Variants in PPP2R5C observed in about 807,000 individuals in gnomAD.
PPP2R5C encodes serine/threonine-protein phosphatase 2A 56 kDa regulatory subunit gamma isoform.
In PPP2R5C, 7 loss-of-function variants were observed where a neutral mutation model predicts 68.9. That is an observed-to-expected ratio of 0.10 (90% confidence interval 0.06 to 0.19). The LOEUF (loss-of-function observed/expected upper bound fraction) is 0.19, where lower values mean the gene tolerates loss of function less well. Ranked by LOEUF, PPP2R5C falls within the 10% of genes least tolerant of loss-of-function variation. PPP2R5C has a pLI of 1.00. For synonymous variants in PPP2R5C, 210 were observed against 222.2 expected (o/e 0.95, Z 0.49); for missense variants, 348 against 641.3 (o/e 0.54, Z 4.94).
At chr14:101,837,785 AAG>A (rs1219947171) in intron 1 of PPP2R5C, among the ~76,000 whole-genome samples, 1 of 152,220 alleles carries the variant, frequency 6.6e-6, no homozygotes, top group Non-Finnish European at 1.5e-5. Context: ...GCACTATTCT[AAG>A]CATGTACATT....
chr14:101,845,463 T>TCCACC (rs61464748), intron 1 of PPP2R5C, among the ~76,000 whole-genome samples: 14,078 of 151,420 alleles, frequency 0.093, 659 homozygotes, highest in African/African-American at 0.15. Flanking sequence ...TCCACTCCAC[T>TCCACC]CCACCCCACC....
At chr14:101,924,221 A>G (rs2047161749) in intron 13 of PPP2R5C, among the ~76,000 whole-genome samples, 1 of 152,056 alleles carries the variant, frequency 6.6e-6, no homozygotes, top group Admixed American at 6.6e-5. Context: ...AAACTCTCCA[A>G]ATTAAGTTTC....
At chr14:101,820,434 A>G (rs2039982969) in intron 1 of PPP2R5C, 1 of 152,246 alleles carries the variant, frequency 6.6e-6, no homozygotes, top group Non-Finnish European at 1.5e-5. Flanking sequence ...GCTACAAACA[A>G]GCGTGGGTGA....
chr14:101,894,398 C>A, intron 7 of PPP2R5C, 109 bp from the exon 10 acceptor site: 1 of 947,152 alleles, frequency 1.1e-6, no homozygotes, highest in Non-Finnish European at 1.7e-6. Flanking sequence ...TTTGTCTGTA[C>A]CGTGGGTCCT....
Position 101,875,854 on chromosome 14 carries a change from C to T in PPP2R5C, c.295-6307C>T, listed in dbSNP as rs78827778. 8.8e-3 allele frequency among the ~76,000 whole-genome samples: 1,342 copies of T among 152,274 alleles called. 20 individuals carry two copies. The highest frequency in any genetic ancestry group is 0.031 in the African/African-American group (1,275 of 41,554). On this transcript the variant is annotated intron_variant, in intron 2 of 13. Coordinates refer to ENST00000334743, the Ensembl canonical transcript of PPP2R5C. ...TCTCATTCCACATCAAAGGTTCCTC[C>T]GTTTTTTCGGGCATTCTTCAGTGCC...
exon 14 of PPP2R5C, chr14:101,926,655 G>A (rs1176804332): frequency 6.6e-6 from 1 of 152,492 alleles, no homozygotes; most frequent in Non-Finnish European, 1.5e-5. Flanking sequence ...ATAACTTAAT[G>A]TTAAGTGTCT....
At chr14:101,883,660 C>T (rs2044299247) in intron 5 of PPP2R5C, 98 bp downstream of exon 7, 16 of 1,439,994 alleles carry the variant, frequency 1.1e-5, no homozygotes, top group Non-Finnish European at 1.4e-5. Flanking sequence ...CAGGACTCAG[C>T]ATGTGGAGGG....
At chr14:101,822,385 C>T (rs1285076193) in intron 1 of PPP2R5C, among the ~76,000 whole-genome samples, 1 of 152,146 alleles carries the variant, frequency 6.6e-6, no homozygotes, top group Non-Finnish European at 1.5e-5. Context: ...AAGAGAAATG[C>T]TCTGCCAGGA....
chr14:101,839,777 A>G (rs1271837793), intron 1 of PPP2R5C, among the ~76,000 whole-genome samples: 1 of 152,234 alleles, frequency 6.6e-6, no homozygotes, highest in East Asian at 1.9e-4. Flanking sequence ...AATTTCAAAC[A>G]GTTGACAATG....
intron 1 of PPP2R5C, among the ~76,000 whole-genome samples, chr14:101,831,538 A>G (rs1313411891): frequency 6.6e-6 from 1 of 152,222 alleles, no homozygotes; most frequent in East Asian, 1.9e-4. Flanking sequence ...GCAGATGCAT[A>G]AAGGAAGATG....
rs2037673276 is a variant in PPP2R5C at position 101,781,295 on chromosome 14, A to G, written c.94-4723A>G. On this transcript the variant is annotated intron_variant, in intron 2 of 14. Transcript: ENST00000328724. This position sits in a 1 kb window ranked among gnomAD's most constrained non-coding sequence, Gnocchi z 6.4. ...TCCCGGGACCCTGGCTTCTGTCCTC[A>G]GGGACCCCTTCAGACCTTCCCCACC... Among the ~76,000 whole-genome samples the G allele has an allele frequency of 6.6e-6, 1 of 152,146 alleles. No individual in the cohort carries two copies. Among genetic ancestry groups the G allele is most frequent in the Non-Finnish European group, 1.5e-5 (1 of 68,012 alleles).
At chr14:101,764,030 G>GTGTGTGTGTGTGT (rs1462659583) in intron 2 of PPP2R5C, among the ~76,000 whole-genome samples, 293 of 146,244 alleles carry the variant, frequency 2.0e-3, no homozygotes, top group African/African-American at 6.1e-3. Flanking sequence ...TGTGTGTGTG[G>GTGTGTGTGTGTGT]GCGCGCGCAC....
At chr14:101,786,053 C>T (rs958292047) in exon 3 of PPP2R5C, 2 of 1,541,364 alleles carry the variant, frequency 1.3e-6, no homozygotes, top group South Asian at 1.2e-5. Flanking sequence ...TTGTTGCTGT[C>T]CCGTCTACAG....
intron 1 of PPP2R5C, among the ~76,000 whole-genome samples, chr14:101,854,615 A>G (rs1019406451): frequency 3.9e-5 from 6 of 152,144 alleles, no homozygotes; most frequent in Admixed American, 3.9e-4. Context: ...GAGGAAGCAG[A>G]GGAGCTGCAG....
chr14:101,823,463 C>G (rs1222165778), intron 1 of PPP2R5C, among the ~76,000 whole-genome samples: 1 of 152,158 alleles, frequency 6.6e-6, no homozygotes. Context: ...CGGAGTAATT[C>G]GGTACCCTCT....
In PPP2R5C at chr14:101,917,639, C is replaced by A. The variant is rs148109042; in HGVS notation, c.1327-192C>A. ...GGGACCAGCTGCTTTACTGTCTCCA[C>A]TGAGTGCTTTCTGGTTTCAGAAGTC... On this transcript the variant is annotated intron_variant, in intron 12 of 13. Coordinates refer to ENST00000334743, the Ensembl canonical transcript of PPP2R5C. This position sits in a 1 kb window ranked among gnomAD's most constrained non-coding sequence, Gnocchi z 4.4. The A allele has an allele frequency of 1.3e-4, 84 of 634,342 alleles. 1 individual carries two copies. In the East Asian group the frequency reaches 2.4e-3, roughly 18 times the overall value. 39.3% of individuals were successfully genotyped at this position (634,342 alleles called of 1,614,324 possible).
chr14:101,910,972 C>T (rs574332623), intron 11 of PPP2R5C, among the ~76,000 whole-genome samples: 2 of 152,266 alleles, frequency 1.3e-5, no homozygotes, highest in South Asian at 4.1e-4. Context: ...GGCGTGGTGG[C>T]AGGCGCCTGT....
At chr14:101,821,447 GGGTGGGTGTGT>G (rs1566870064) in intron 1 of PPP2R5C, among the ~76,000 whole-genome samples, 2 of 102,900 alleles carry the variant, frequency 1.9e-5, no homozygotes, top group African/African-American at 7.3e-5. Flanking sequence ...GGGGGTGGGT[GGGTGGGTGTGT>G]GTGTGTGTGT....
intron 2 of PPP2R5C, among the ~76,000 whole-genome samples, chr14:101,780,866 A>G (rs74081649): frequency 6.6e-6 from 1 of 152,266 alleles, no homozygotes; most frequent in African/African-American, 2.4e-5. Flanking sequence ...GTAAGGGGGA[A>G]GTTGGGGTCC....
Sources: gnomAD v4.1 joint callset for allele counts (sites outside exome capture counted in the v4.1 genomes callset) on GRCh38, gnomAD v4.1.1 for gene constraint, Gnocchi (gnomAD v3.1) non-coding constraint, MANE v1.5 for transcripts, NCBI Gene and HGNC (gene_info 2026-07-23, HGNC 2026-07-21) for gene names.